The following ARHGAP33 variants were observed in gnomAD, a reference collection of about 807,000 sequenced individuals.
The protein encoded by ARHGAP33 is Rho GTPase activating protein 33, also known as rho GTPase-activating protein 33.
A neutral mutation model predicts 126.2 loss-of-function variants in ARHGAP33; 57 were observed. The ratio of observed to expected loss-of-function variants is 0.45; its 90% CI spans 0.36 to 0.56. The LOEUF is 0.56. ARHGAP33 is among the 20% of genes least tolerant of loss of function. ARHGAP33 has a pLI of 0.00. For synonymous variants in ARHGAP33, 711 were observed against 755.0 expected, an observed-to-expected ratio of 0.94 and a Z score of 0.95; for missense variants, 1,500 against 1,748.3, an observed-to-expected ratio of 0.86 and a Z score of 2.53.
rs1452838988 is a variant in ARHGAP33 at position 35,786,934 on chromosome 19, C to T, written c.2464C>T (p.Pro822Ser). ...GAGGAPASAT[P>S]TPALSPGRSL... ...TGGGGGAGCACCTGCCTCAGCCACC[C>T]CAACACCAGCTCTCAGCCCCGGCCG... Residue 822 changes from proline (P) to serine (S), a missense_variant, in exon 20 of 21, where the codon CCA becomes TCA. By Grantham distance (74) the Pro-to-Ser change is moderately conservative. This residue lies in a region of ARHGAP33 where 642 missense variants were observed against 634.0 expected (regional missense o/e 1.01). Coordinates refer to ENST00000007510, the MANE Select transcript of ARHGAP33 (RefSeq NM_001366178.1). This position sits in a 1 kb window ranked among gnomAD's most constrained non-coding sequence, Gnocchi z 7.0. The T allele has an allele frequency of 3.7e-6, 6 of 1,610,922 alleles. No individual in the cohort carries two copies. The Admixed American group carries it at 5.0e-5, about 13-fold the overall frequency.
rs1599794734 is a variant in ARHGAP33 at position 35,784,807 on chromosome 19, GCTC to G, written c.1568-144_1568-142del. ...CCTCCCACCTGCCTGCTGCCCGCCT[GCTC>G]CCGCCTGATCCGCCCCGGCCCCCTG... On this transcript the variant is annotated intron_variant, in intron 16 of 20. Coordinates refer to ENST00000007510, the MANE Select transcript of ARHGAP33 (RefSeq NM_001366178.1). 3 of 1,377,136 alleles carry G rather than the reference GCTC, an allele frequency of 2.2e-6. No homozygotes were observed. In the East Asian group the frequency reaches 8.8e-5, roughly 41 times the overall value. 85.3% of individuals were successfully genotyped at this position (1,377,136 alleles called of 1,614,324 possible).
chr19:35,780,471 C>A lies in ARHGAP33; in HGVS notation c.675C>A (p.Ser225Arg). ...ACATGCCACCCACAGAGGATCGGAG[C>A]TGGTGGCGGGGCAAGCGAGGCTTCC... is the stretch of plus-strand genomic sequence containing the variant. ...VIDMPPTEDR[S>R]WWRGKRGFQV... is the part of the protein sequence containing the mutation. Residue 225 changes from serine to arginine, a missense_variant, in exon 8 of 21, where the codon AGC becomes AGA. Coordinates refer to ENST00000007510, the MANE Select transcript of ARHGAP33 (RefSeq NM_001366178.1). The A allele has an allele frequency of 6.2e-7, 1 of 1,603,834 alleles. No homozygotes were observed. Among genetic ancestry groups the A allele is most frequent in the South Asian group, 1.1e-5 (1 of 90,038 alleles).
intron 12 of ARHGAP33, 67 bp downstream of exon 12, chr19:35,781,319 G>A: frequency 3.4e-6 from 5 of 1,491,488 alleles, no homozygotes; most frequent in Non-Finnish European, 4.7e-6. Context: ...CCAGCCCCGT[G>A]CTGCATGCTG....
chr19:35,781,085 C>CG lies in ARHGAP33; in HGVS notation c.982+13_982+14insG. On this transcript the variant is annotated intron_variant, in intron 11 of 20. Transcript: ENST00000007510. ...TCAGGCCAGGATGGTGAGGCCGGGG[C>CG]CCACCCACCCCACCCGTCACACCAG... The CG allele has an allele frequency of 1.8e-6, 1 of 551,582 alleles. No individual in the cohort carries two copies. The highest frequency in any genetic ancestry group is 3.5e-6 in the Non-Finnish European group (1 of 285,894). 34.2% of individuals were successfully genotyped at this position (551,582 alleles called of 1,614,324 possible).
At chr19:35,781,603 G>T (rs913877120) in intron 12 of ARHGAP33, among the ~76,000 whole-genome samples, 3 of 152,216 alleles carry the variant, frequency 2.0e-5, no homozygotes, top group African/African-American at 7.2e-5. Flanking sequence ...ACAGATTGGG[G>T]TAAGGAGGAT....
chr19:35,775,616 C>A lies in ARHGAP33; in HGVS notation c.-43C>A. ...CGGCAGCGGCGACGAGAACGGCGAGCGAGGGGTCGAGCGCGGCCGGGGCCT... is the reference window on the plus strand; with the variant it reads ...CGGCAGCGGCGACGAGAACGGCGAGAGAGGGGTCGAGCGCGGCCGGGGCCT... On this transcript the variant is annotated 5_prime_UTR_variant, in exon 1 of 21. Coordinates refer to ENST00000007510, the MANE Select transcript of ARHGAP33 (RefSeq NM_001366178.1). The A allele has an allele frequency of 6.6e-7, 1 of 1,504,278 alleles. No individual in the cohort carries two copies. Among genetic ancestry groups the A allele is most frequent in the Non-Finnish European group, 8.8e-7 (1 of 1,131,610 alleles). The allele number at this position is 1,504,278 out of a possible 1,614,324, so 93.2% of individuals were successfully genotyped here. A position where few individuals can be genotyped will look rare whatever the true frequency, so the allele number is the denominator to read the frequency against.
At chr19:35,776,722 A>T (rs1971478134) in intron 1 of ARHGAP33, among the ~76,000 whole-genome samples, 1 of 152,198 alleles carries the variant, frequency 6.6e-6, no homozygotes, top group Non-Finnish European at 1.5e-5. Context: ...TCCTTCTGGG[A>T]GGCCGGTCAT....
At position 35,782,322 on chromosome 19, in the gene ARHGAP33, A is replaced by G. The variant is rs1158374495; in HGVS notation, c.1086-51A>G. 1.3e-6 allele frequency: 2 copies of G among 1,568,354 alleles called. No homozygotes were observed. The highest frequency in any genetic ancestry group is 1.7e-6 in the Non-Finnish European group (2 of 1,150,140). On this transcript the variant is annotated intron_variant, in intron 12 of 20. Coordinates refer to ENST00000007510, the MANE Select transcript of ARHGAP33 (RefSeq NM_001366178.1). This position sits in a 1 kb window ranked among gnomAD's most constrained non-coding sequence, Gnocchi z 4.1. ...GGGGCAAGGGGAGCATGGCCACGTG[A>G]GCGAGCCCCTCTGACCTGGATCTTC...
chr19:35,780,838 G>T (rs1430167528), intron 10 of ARHGAP33, 22 bp downstream of exon 10: 1 of 1,613,630 alleles, frequency 6.2e-7, no homozygotes, highest in African/African-American at 1.3e-5. Context: ...AGGCGGTCAG[G>T]TCCCAGCCCC....
In ARHGAP33 at chr19:35,785,301, C is replaced by A. The variant is rs759529721; in HGVS notation, c.1834C>A (p.Leu612Met). 2 of 1,606,050 alleles carry A rather than the reference C, an allele frequency of 1.2e-6. No individual in the cohort carries two copies. Among genetic ancestry groups the A allele is most frequent in the Admixed American group, 3.4e-5 (2 of 58,228 alleles). ...SVPRKKPLPW[L>M]GGTRAPPQPS... is the part of the protein sequence containing the mutation. ...CCCTCGAAAGAAGCCCCTGCCCTGGCTGGGGGGCACCCGTGCCCCACCGCA... is the reference window on the plus strand; with the variant it reads ...CCCTCGAAAGAAGCCCCTGCCCTGGATGGGGGGCACCCGTGCCCCACCGCA... Residue 612 changes from leucine to methionine, a missense_variant, in exon 18 of 21, where the codon CTG becomes ATG. By Grantham distance (15) the Leu-to-Met change is conservative. This residue lies in a region of ARHGAP33 where 300 missense variants were observed against 291.1 expected (regional missense o/e 1.03). Transcript: ENST00000007510.
intron 4 of ARHGAP33, 48 bp downstream of exon 4, chr19:35,778,408 G>A (rs754651050): frequency 3.1e-6 from 5 of 1,614,066 alleles, no homozygotes; most frequent in African/African-American, 1.3e-5. Context: ...GGCCACTGTA[G>A]TCCTCAGCTC....
In ARHGAP33 at chr19:35,777,842, C is replaced by A. The variant is rs776294427; in HGVS notation, c.123C>A (p.Gly41=). ...KPGKRLSAPR[G]PFPRLADCAH... ...CTCCCAGGCTCTCAGCTCCTCGAGG[C>A]CCCTTCCCGCGGCTGGCTGACTGCG... Residue 41 remains glycine, a synonymous_variant, in exon 3 of 21, where the codon GGC becomes GGA. Coordinates refer to ENST00000007510, the MANE Select transcript of ARHGAP33 (RefSeq NM_001366178.1). The A allele has an allele frequency of 5.6e-6, 9 of 1,614,092 alleles. No individual in the cohort carries two copies. Among genetic ancestry groups the A allele is most frequent in the Non-Finnish European group, 6.8e-6 (8 of 1,180,042 alleles).
rs959723516 is a variant in ARHGAP33 at position 35,779,075 on chromosome 19, G to C, written c.452G>C (p.Gly151Ala). ...LLLQYLETLSGLVDSNLNCGP... is the reference protein window; with the variant it reads ...LLLQYLETLSALVDSNLNCGP... ...CTGCAGTACCTGGAGACACTGTCAG[G>C]ACTGGTGGACAGTAACCTCAACTGC... The change falls in exon 6 of 21, where the codon GGA (glycine) becomes GCA (alanine). Residue 151 changes from glycine to alanine, a missense_variant. Gly to Ala is a moderately conservative substitution (Grantham distance 60). Around this residue, in one of 6 missense-constraint regions of ARHGAP33, gnomAD observed 75 missense variants for 152.7 expected, o/e 0.49. Transcript: ENST00000007510. 1 of 1,551,336 alleles carries C rather than the reference G, an allele frequency of 6.4e-7. No individual in the cohort carries two copies. The highest frequency in any genetic ancestry group is 8.7e-7 in the Non-Finnish European group (1 of 1,147,182).
In ARHGAP33 at chr19:35,778,020, G is replaced by A. The variant is rs949005174; in HGVS notation, c.189+112G>A. ...TTATCCCTGTGACTGGCTGCTGCAC[G>A]CGTCTGAGCAGTCAGTAGCAAAAGT... On this transcript the variant is annotated intron_variant, in intron 3 of 20. Transcript: ENST00000007510. 34 of 1,302,920 alleles carry A rather than the reference G, an allele frequency of 2.6e-5. No homozygotes were observed. In the African/African-American group the frequency reaches 4.4e-4, roughly 17 times the overall value. The allele number at this position is 1,302,920 out of a possible 1,614,324, so 80.7% of individuals were successfully genotyped here.
Position 35,786,632 on chromosome 19 carries a change from G to T in ARHGAP33, c.2162G>T (p.Gly721Val). The part of the protein sequence containing the change: ...SHRTSAWLDD[G>V]DELDFSPPRC... ...CGTACCTCAGCCTGGCTAGATGATGGTGATGAGCTGGACTTCAGCCCACCC... is the reference window on the plus strand; with the variant it reads ...CGTACCTCAGCCTGGCTAGATGATGTTGATGAGCTGGACTTCAGCCCACCC... The change falls in exon 20 of 21, where the codon GGT becomes GTT. Residue 721 changes from glycine (G) to valine (V), a missense_variant. Around this residue, in one of 6 missense-constraint regions of ARHGAP33, gnomAD observed 300 missense variants for 291.1 expected, o/e 1.03. Coordinates refer to ENST00000007510, the MANE Select transcript of ARHGAP33 (RefSeq NM_001366178.1). This position sits in a 1 kb window ranked among gnomAD's most constrained non-coding sequence, Gnocchi z 7.0. The T allele has an allele frequency of 6.5e-7, 1 of 1,535,838 alleles. No homozygotes were observed. Among genetic ancestry groups the T allele is most frequent in the Non-Finnish European group, 8.7e-7 (1 of 1,146,778 alleles).
chr19:35,784,300 C>A lies in ARHGAP33; in HGVS notation c.1550C>A (p.Ala517Asp). ...DVLFSDTFTS[A>D]GLDPAGRCLL... ...CTGTTCAGCGACACCTTCACCTCCG[C>A]CGGCCTCGACCCTGCAGGTATGCCC... The change falls in exon 16 of 21, where the codon GCC (alanine) becomes GAC (aspartate). Residue 517 changes from alanine to aspartate, a missense_variant. Physicochemically the swap from Ala to Asp is moderately radical, Grantham distance 126. This residue lies in a region of ARHGAP33 where 300 missense variants were observed against 291.1 expected (regional missense o/e 1.03). Transcript: ENST00000007510. The A allele has an allele frequency of 6.3e-7, 1 of 1,586,354 alleles. No individual in the cohort carries two copies.
chr19:35,785,062 C>G lies in ARHGAP33; in HGVS notation c.1677C>G (p.Pro559=). The change falls in exon 17 of 21, where the codon CCC becomes CCG. Residue 559 remains proline, a synonymous_variant. Coordinates refer to ENST00000007510, the MANE Select transcript of ARHGAP33 (RefSeq NM_001366178.1). ...GCACCCAGGGCCGGCTGGGGACGCC[C>G]ACGGAGCCCACAACTCCCAAGGCCC... is the stretch of plus-strand genomic sequence containing the variant. ...QARTQGRLGT[P]TEPTTPKAPA... 3 of 1,561,530 alleles carry G rather than the reference C, an allele frequency of 1.9e-6. No individual in the cohort carries two copies. The highest frequency in any genetic ancestry group is 2.6e-6 in the Non-Finnish European group (3 of 1,152,970).
chr19:35,782,902 G>A lies in ARHGAP33; in HGVS notation c.1421+33G>A, dbSNP rs1287097737. 6.4e-7 allele frequency: 1 copy of A among 1,573,222 alleles called. No individual in the cohort carries two copies. The highest frequency in any genetic ancestry group is 1.4e-5 in the African/African-American group (1 of 73,694). ...GCTTGCTCGCCTGCCTGCCCCTCAG[G>A]TCTTTCCCCAAAACCACCCCAGGAA... is the stretch of plus-strand genomic sequence containing the variant. On this transcript the variant is annotated intron_variant, in intron 15 of 20. Transcript: ENST00000007510. The surrounding 1 kb of genome is among the most constrained non-coding windows in gnomAD (Gnocchi z 4.1).
chr19:35,779,391 C>T (rs1395577191), intron 6 of ARHGAP33, among the ~76,000 whole-genome samples: 3 of 152,114 alleles, frequency 2.0e-5, no homozygotes, highest in South Asian at 4.1e-4. Context: ...TGGGCTGTAA[C>T]TCACAGAACA....
Sources: allele counts gnomAD v4.1 joint callset (sites outside exome capture counted in the v4.1 genomes callset), GRCh38; gene constraint gnomAD v4.1.1; regional missense constraint gnomAD v4.1.1; non-coding constraint Gnocchi (gnomAD v3.1); transcripts MANE v1.5; gene names NCBI Gene and HGNC (gene_info 2026-07-23, HGNC 2026-07-21).